Variants in ABCC11 observed in about 807,000 individuals in gnomAD.
ABCC11 encodes the protein ATP binding cassette subfamily C member 11, also known as ATP-binding cassette sub-family C member 11.
In ABCC11, 135 loss-of-function variants were observed where a neutral mutation model predicts 149.3. The ratio of observed to expected loss-of-function variants is 0.90; its 90% CI spans 0.79 to 1.04. The LOEUF is 1.04. Among genes scored for constraint, ABCC11 ranks in the 50% least tolerant of loss-of-function variants. ABCC11 has a pLI of 0.00. For missense variants in ABCC11, 1,680 were observed against 1,722.1 expected, an observed-to-expected ratio of 0.98 and a Z score of 0.43; for synonymous variants, 665 against 671.4, an observed-to-expected ratio of 0.99 and a Z score of 0.15.
chr16:48,246,775 A>G (rs779075696), intron 1 of ABCC11, among the ~76,000 whole-genome samples: 6 of 151,980 alleles, frequency 3.9e-5, no homozygotes, highest in Non-Finnish European at 5.9e-5. Context: ...GGGTCTCACT[A>G]TGTTGCTTAG....
rs1016265418 is a variant in ABCC11, at chr16:48,171,019, C to T, written c.3699-52G>A. 5 of 1,461,132 alleles carry T rather than the reference C, an allele frequency of 3.4e-6. No homozygotes were observed. In the African/African-American group the frequency reaches 7.0e-5, roughly 20 times the overall value. 90.5% of individuals were successfully genotyped at this position (1,461,132 alleles called of 1,614,324 possible). On this transcript the variant is annotated intron_variant, in intron 26 of 29. Coordinates refer to ENST00000356608, the MANE Select transcript of ABCC11 (RefSeq NM_001370497.1). ...TCAACAACATCACCCAGGCTTTGAA[C>T]ACTCATTTATATGCCCAGTGAATGA...
chr16:48,170,767 G>A, intron 27 of ABCC11, 122 bp downstream of exon 27: 1 of 870,338 alleles, frequency 1.1e-6, no homozygotes, highest in South Asian at 1.6e-5. Flanking sequence ...ATCTCCATGA[G>A]ATGATGCATC....
chr16:48,235,481 C>G (rs1460482410), intron 1 of ABCC11, among the ~76,000 whole-genome samples: 1 of 152,178 alleles, frequency 6.6e-6, no homozygotes, highest in Non-Finnish European at 1.5e-5. Context: ...AAAATGCAAA[C>G]ATTGTAATAG....
intron 7 of ABCC11, among the ~76,000 whole-genome samples, chr16:48,215,904 G>A (rs1969306709): frequency 6.6e-6 from 1 of 152,226 alleles, no homozygotes; most frequent in African/African-American, 2.4e-5. Context: ...CTACGAGGTA[G>A]ACTTTGCACA....
rs79875006 is a variant in ABCC11 at position 48,187,350 on chromosome 16, T to C, written c.2784A>G (p.Glu928=). 630 of 1,614,144 alleles carry C rather than the reference T, an allele frequency of 3.9e-4. 2 individuals are homozygous for C. In the African/African-American group the frequency reaches 7.4e-3, roughly 19 times the overall value. Residue 928 remains glutamate (E), a synonymous_variant, in exon 21 of 30, where the codon GAA becomes GAG. Transcript: ENST00000356608. ...AGATGGGCAAGAGCTGGTCCAGCTGTTCCAAGTCCCCTGCGAAGCAGTTCA... is the reference window on the plus strand; with the variant it reads ...AGATGGGCAAGAGCTGGTCCAGCTGCTCCAAGTCCCCTGCGAAGCAGTTCA... ...RLLNCFAGDL[E]QLDQLLPIFS... is the part of the protein sequence containing the mutation.
intron 23 of ABCC11, among the ~76,000 whole-genome samples, chr16:48,179,259 C>A (rs1966277940): frequency 6.6e-6 from 1 of 152,178 alleles, no homozygotes; most frequent in Admixed American, 6.5e-5. Context: ...GGAGCACTTC[C>A]CAAATAAGCT....
chr16:48,244,596 G>T lies in ABCC11; in HGVS notation c.-19+2718C>A, dbSNP rs1434802285. 1.6e-5 allele frequency: 24 copies of T among 1,485,144 alleles called. No homozygotes were observed. The East Asian group carries it at 4.3e-4, about 27-fold the overall frequency. The allele number at this position is 1,485,144 out of a possible 1,614,324, so 92.0% of individuals were successfully genotyped here. ...CAACACGCCTGACCCCGCCAGCGACGCGCAGGACCTGCCGCCGCTGCACAG... is the reference window on the plus strand; with the variant it reads ...CAACACGCCTGACCCCGCCAGCGACTCGCAGGACCTGCCGCCGCTGCACAG... On this transcript the variant is annotated intron_variant, in intron 1 of 29. Coordinates refer to ENST00000356608, the MANE Select transcript of ABCC11 (RefSeq NM_001370497.1).
intron 26 of ABCC11, among the ~76,000 whole-genome samples, chr16:48,174,261 C>T (rs1257294662): frequency 1.3e-5 from 2 of 152,222 alleles, no homozygotes; most frequent in Non-Finnish European, 2.9e-5. Context: ...AAACTGGCTC[C>T]AGTCCCTAGC....
intron 1 of ABCC11, chr16:48,244,347 T>C: frequency 1.4e-6 from 2 of 1,430,488 alleles, no homozygotes; most frequent in Non-Finnish European, 9.3e-7. Context: ...CAGCTGTCTG[T>C]CTGGCTCTTT....
chr16:48,228,099 T>A, intron 3 of ABCC11, 135 bp from the exon 4 acceptor site: 1 of 868,202 alleles, frequency 1.2e-6, no homozygotes, highest in Non-Finnish European at 1.7e-6. Flanking sequence ...TATTTGTAAG[T>A]TGAAAATCAT....
chr16:48,167,799 C>G (rs1026771215), intron 28 of ABCC11, 139 bp from the exon 29 acceptor site: 2 of 1,000,764 alleles, frequency 2.0e-6, no homozygotes, highest in Non-Finnish European at 3.0e-6. Context: ...GAGAATTATG[C>G]CGAGTGCAAA....
chr16:48,222,266 C>T (rs777684248), intron 6 of ABCC11, among the ~76,000 whole-genome samples: 11 of 151,546 alleles, frequency 7.3e-5, no homozygotes, highest in African/African-American at 1.2e-4. Flanking sequence ...TTGGTAGAGA[C>T]GGAGTCTTTC....
intron 6 of ABCC11, among the ~76,000 whole-genome samples, chr16:48,219,246 T>C (rs1349551475): frequency 6.7e-6 from 1 of 149,818 alleles, no homozygotes; most frequent in African/African-American, 2.5e-5. Flanking sequence ...CTCAGCTCAC[T>C]GCAACCTATG....
rs769007427 is a variant in ABCC11, at chr16:48,198,069, T to C, written c.2218-2A>G. 1 of 1,614,192 alleles carries C rather than the reference T, an allele frequency of 6.2e-7. No individual in the cohort carries two copies. Among genetic ancestry groups the C allele is most frequent in the Non-Finnish European group, 8.5e-7 (1 of 1,180,044 alleles). ...CTTTGCTGTGTCCTGCAACATGTCC[T>C]GGGGAGAGAGCACAGGCCCTGAGTA... On this transcript the variant is annotated splice_acceptor_variant, in intron 16 of 29. Transcript: ENST00000356608. LOFTEE classifies it high-confidence loss of function.
Position 48,170,135 on chromosome 16 carries a change from G to A in ABCC11, c.3861C>T (p.Cys1287=), listed in dbSNP as rs1049790202. Residue 1287 remains cysteine (C), a synonymous_variant, in exon 28 of 30, where the codon TGC becomes TGT. Transcript: ENST00000356608. ...NFSVGERQLL[C]IARAVLRNSK... is the part of the protein sequence containing the mutation. ...AGTTGCGAAGCACAGCCCTGGCAAT[G>A]CAGAGCAGCTGCCTCTCCCCCACAG... 1 of 1,614,128 alleles carries A rather than the reference G, an allele frequency of 6.2e-7. No individual in the cohort carries two copies. The highest frequency in any genetic ancestry group is 1.1e-5 in the South Asian group (1 of 91,088).
intron 23 of ABCC11, 81 bp from the exon 24 acceptor site, chr16:48,178,767 T>C (rs1163867112): frequency 4.0e-6 from 5 of 1,234,682 alleles, no homozygotes; most frequent in Non-Finnish European, 3.5e-6. Context: ...TAACCACTGA[T>C]TGCCATTGCC....
intron 6 of ABCC11, among the ~76,000 whole-genome samples, chr16:48,218,074 ATTGT>A (rs1249438684): frequency 1.1e-4 from 16 of 152,168 alleles, no homozygotes. Flanking sequence ...AGGCAGGATG[ATTGT>A]TTGAGGCCAG....
At chr16:48,221,783 C>T (rs1969755741) in intron 6 of ABCC11, among the ~76,000 whole-genome samples, 1 of 152,164 alleles carries the variant, frequency 6.6e-6, no homozygotes, top group Non-Finnish European at 1.5e-5. Flanking sequence ...GCTCCATCAC[C>T]TAGGCTGGAG....
chr16:48,186,823 A>C, intron 22 of ABCC11, 130 bp downstream of exon 22: 1 of 1,173,072 alleles, frequency 8.5e-7, no homozygotes, highest in Non-Finnish European at 1.2e-6. Flanking sequence ...GGCTCAGAGA[A>C]ATACGTCCAT....
Sources: allele counts gnomAD v4.1 joint callset (sites outside exome capture counted in the v4.1 genomes callset), GRCh38; gene constraint gnomAD v4.1.1; transcripts MANE v1.5; gene names NCBI Gene and HGNC (gene_info 2026-07-23, HGNC 2026-07-21).